Variants in ZRANB1 observed in about 807,000 individuals in gnomAD.
The protein encoded by ZRANB1 is ubiquitin thioesterase ZRANB1.
Under a neutral mutation model 80.5 loss-of-function variants are expected in ZRANB1, and 16 were observed. That is an observed-to-expected ratio of 0.20 (90% CI 0.13 to 0.30). The LOEUF is 0.30. ZRANB1 is among the 10% of genes least tolerant of loss of function. ZRANB1 has a pLI of 1.00. For missense variants in ZRANB1, 576 were observed against 862.6 expected (o/e 0.67, Z 4.16); for synonymous variants, 291 against 293.1 (o/e 0.99, Z 0.07).
In ZRANB1 at chr10:124,973,690, A is replaced by G. The variant is rs775962938; in HGVS notation, c.1202A>G (p.Glu401Gly). The change falls in exon 4 of 9, where the codon GAG becomes GGG. Residue 401 changes from glutamate (E) to glycine (G), a missense_variant. This residue lies in a region of ZRANB1 where 411 missense variants were observed against 583.1 expected (regional missense o/e 0.70). Transcript: ENST00000359653. Reference protein sequence around the residue: ...PPTVQEKLFDEVLDRDVQKEL... With the variant: ...PPTVQEKLFDGVLDRDVQKEL... ...ACAGTCCAAGAAAAATTATTTGATG[A>G]GGTGCTTGATAGAGACGTTCAAAAA... The G allele has an allele frequency of 6.2e-7, 1 of 1,612,984 alleles. No homozygotes were observed. The highest frequency in any genetic ancestry group is 8.5e-7 in the Non-Finnish European group (1 of 1,179,672).
At chr10:124,922,081 A>G in the ZRANB1 span, among the ~76,000 whole-genome samples, 3 of 151,676 alleles carry the variant, frequency 2.0e-5, no homozygotes, top group African/African-American at 7.3e-5. Flanking sequence ...AGCTGGAACT[A>G]TAGGTGTGTA....
rs570770932 is a variant in ZRANB1 at position 124,984,974 on chromosome 10, G to C, written c.2109G>C (p.Glu703Asp). 38 of 1,612,018 alleles carry C rather than the reference G, an allele frequency of 2.4e-5. 2 individuals carry two copies. In the South Asian group the frequency reaches 4.2e-4, roughly 18 times the overall value. ...CTSLSDGEED[E>D]DDEDE Reference sequence around the variant, plus strand: ...CCCTGTCTGATGGAGAGGAAGATGAGGATGATGAAGATGAATGAAAAAAAA... The same window carrying C: ...CCCTGTCTGATGGAGAGGAAGATGACGATGATGAAGATGAATGAAAAAAAA... Residue 703 changes from glutamate (E) to aspartate (D), a missense_variant, in exon 9 of 9, where the codon GAG becomes GAC. Transcript: ENST00000359653.
chr10:124,973,237 T>G (rs1228563302), intron 3 of ZRANB1, among the ~76,000 whole-genome samples: 1 of 152,204 alleles, frequency 6.6e-6, no homozygotes, highest in Non-Finnish European at 1.5e-5. Flanking sequence ...ATTGCAGCCT[T>G]GGCCTCCCCA....
At chr10:124,943,381 G>T in intron 1 of ZRANB1, 74 bp downstream of exon 1, 1 of 1,414,692 alleles carries the variant, frequency 7.1e-7, no homozygotes, top group Non-Finnish European at 9.6e-7. Context: ...AGAGCTGGGT[G>T]CGCTGACACA....
intron 5 of ZRANB1, among the ~76,000 whole-genome samples, chr10:124,975,300 T>TC (rs1056363136): frequency 9.9e-5 from 15 of 152,204 alleles, no homozygotes; most frequent in African/African-American, 3.4e-4. Context: ...CCACACCTGC[T>TC]CCATGTCTCC....
At chr10:124,936,069 G>A in the ZRANB1 span, among the ~76,000 whole-genome samples, 1 of 152,080 alleles carries the variant, frequency 6.6e-6, no homozygotes, top group African/African-American at 2.4e-5. Flanking sequence ...ATAAATGAGG[G>A]TGTCTATTGT....
the ZRANB1 span, among the ~76,000 whole-genome samples, chr10:124,931,683 A>AT: frequency 6.6e-6 from 1 of 152,100 alleles, no homozygotes; most frequent in Non-Finnish European, 1.5e-5. Context: ...AAAATACTTT[A>AT]TTTTTTAGAG....
chr10:124,957,926 C>T (rs985963353), intron 1 of ZRANB1, among the ~76,000 whole-genome samples: 5 of 152,086 alleles, frequency 3.3e-5, no homozygotes, highest in African/African-American at 1.2e-4. Context: ...TCGGGGGTTT[C>T]ACCATGTTGG....
intron 1 of ZRANB1, among the ~76,000 whole-genome samples, chr10:124,954,408 A>G (rs771724253): frequency 1.3e-5 from 2 of 151,036 alleles, no homozygotes; most frequent in Non-Finnish European, 3.0e-5. Context: ...AAAGACAACA[A>G]CACAAAAATG....
intron 1 of ZRANB1, among the ~76,000 whole-genome samples, chr10:124,965,718 A>C (rs1951770531): frequency 6.6e-6 from 1 of 152,216 alleles, no homozygotes; most frequent in South Asian, 2.1e-4. Context: ...AATTTTTTAA[A>C]AATTGTTTTA....
intron 5 of ZRANB1, among the ~76,000 whole-genome samples, chr10:124,974,794 A>G (rs1481030387): frequency 2.6e-5 from 4 of 151,986 alleles, no homozygotes; most frequent in Non-Finnish European, 4.4e-5. Flanking sequence ...TGATTGACTG[A>G]TTGATTGATT....
intron 1 of ZRANB1, chr10:124,945,301 C>T (rs1389375811): frequency 6.6e-6 from 1 of 152,032 alleles, no homozygotes; most frequent in East Asian, 1.9e-4. Flanking sequence ...TGTGGATTTA[C>T]CTATTCTGGA....
At chr10:124,932,755 G>T in the ZRANB1 span, among the ~76,000 whole-genome samples, 2 of 151,802 alleles carry the variant, frequency 1.3e-5, no homozygotes, top group Non-Finnish European at 2.9e-5. Context: ...TAGAGACAGG[G>T]TTTCACCATG....
At chr10:124,945,030 TAAA>T (rs1448455101) in intron 1 of ZRANB1, among the ~76,000 whole-genome samples, 1 of 152,292 alleles carries the variant, frequency 6.6e-6, no homozygotes, top group South Asian at 2.1e-4. Flanking sequence ...GATTGTCAGT[TAAA>T]AAAATTTAAA....
At chr10:124,984,081 G>C (rs568588694) in intron 8 of ZRANB1, among the ~76,000 whole-genome samples, 2 of 152,236 alleles carry the variant, frequency 1.3e-5, no homozygotes, top group African/African-American at 4.8e-5. Flanking sequence ...GAAGAGGTCA[G>C]AGAGGATAGG....
rs535564014 is a variant in ZRANB1, at chr10:124,985,158, C to G, written c.*166C>G. On this transcript the variant is annotated 3_prime_UTR_variant, in exon 9 of 9. Coordinates refer to ENST00000359653, the MANE Select transcript of ZRANB1 (RefSeq NM_017580.3). ...CACACACCTTATGGAGATAATGCCT[C>G]TGCTGCGTGAGGAGACAGAGAACTT... is the stretch of plus-strand genomic sequence containing the variant. The G allele has an allele frequency of 7.0e-5, 39 of 559,740 alleles. 1 individual carries two copies. The South Asian group carries it at 1.0e-3, about 15-fold the overall frequency. 34.7% of individuals were successfully genotyped at this position (559,740 alleles called of 1,614,324 possible).
Position 124,942,694 on chromosome 10 carries a change from T to C in ZRANB1, c.201T>C (p.Cys67=). Residue 67 remains cysteine, a synonymous_variant, in exon 1 of 9, where the codon TGT becomes TGC. Coordinates refer to ENST00000359653, the MANE Select transcript of ZRANB1 (RefSeq NM_017580.3). The stretch of plus-strand genomic sequence containing the variant: ...AAGGAGGAAGTAGTCCTTTGATATG[T>C]CCAGACTCTAGTGCAAGACCAAGGG... The part of the protein sequence containing the change: ...STEGGSSPLI[C]PDSSARPRVK... 6.2e-7 allele frequency: 1 copy of C among 1,614,232 alleles called. No individual in the cohort carries two copies. The highest frequency in any genetic ancestry group is 8.5e-7 in the Non-Finnish European group (1 of 1,180,042).
At chr10:124,917,196 C>T in the ZRANB1 span, 1 of 172,082 alleles carries the variant, frequency 5.8e-6, no homozygotes. Context: ...CCGCCGCCGC[C>T]GCCGCCGCCG....
At chr10:124,940,490 G>A (rs754353679), upstream of ZRANB1, 37 of 1,287,746 alleles carry the variant, frequency 2.9e-5, no homozygotes, top group Admixed American at 9.3e-5. Flanking sequence ...TTTGCAAACC[G>A]TACTTTTATT....
Sources: gnomAD v4.1 joint callset for allele counts (sites outside exome capture counted in the v4.1 genomes callset) on GRCh38, gnomAD v4.1.1 for gene constraint, gnomAD v4.1.1 regional missense constraint, MANE v1.5 for transcripts, NCBI Gene and HGNC (gene_info 2026-07-23, HGNC 2026-07-21) for gene names.